The following PDE10A variants were observed in gnomAD, a reference collection of about 807,000 sequenced individuals.
The protein encoded by PDE10A is cAMP and cAMP-inhibited cGMP 3',5'-cyclic phosphodiesterase 10A.
In PDE10A, 39 loss-of-function variants were observed where a neutral mutation model predicts 97.7. The observed-to-expected ratio is 0.40, with a 90% CI of 0.31 to 0.52. The LOEUF (loss-of-function observed/expected upper bound fraction) is 0.52. Ranked by LOEUF, PDE10A falls within the 20% of genes least tolerant of loss-of-function variation. The pLI is 0.56. For synonymous variants in PDE10A, 371 were observed against 376.8 expected (o/e 0.98, Z 0.18); for missense variants, 731 against 1,047.8 (o/e 0.70, Z 4.17).
At chr6:165,834,467 G>A (rs559926253) in intron 1 of PDE10A, among the ~76,000 whole-genome samples, 1 of 152,196 alleles carries the variant, frequency 6.6e-6, no homozygotes, top group African/African-American at 2.4e-5. Context: ...GCCTGGGAGT[G>A]GGGGGAGTGA....
chr6:165,401,289 G>A (rs1385050391), intron 13 of PDE10A, among the ~76,000 whole-genome samples: 1 of 152,066 alleles, frequency 6.6e-6, no homozygotes, highest in Non-Finnish European at 1.5e-5. Context: ...TGAAAATACT[G>A]GCAAAGATCT....
Position 165,432,426 on chromosome 6 carries a change from C to A in PDE10A, c.1491+548G>T, listed in dbSNP as rs75024226. ...GCCTGAGGATCCAGCGTGGCTGGAG[C>A]GAGTGAGGGACAGGTGGGGTCGCAG... is the stretch of plus-strand genomic sequence containing the variant. On this transcript the variant is annotated intron_variant, in intron 7 of 21. Transcript: ENST00000539869. Among the ~76,000 whole-genome samples the A allele has an allele frequency of 1.4e-3, 207 of 152,062 alleles. 2 individuals are homozygous for A. The East Asian group carries it at 0.031, about 23-fold the overall frequency.
chr6:165,900,293 G>T (rs1202588882), intron 1 of PDE10A, among the ~76,000 whole-genome samples: 1 of 152,128 alleles, frequency 6.6e-6, no homozygotes, highest in African/African-American at 2.4e-5. Context: ...CCAACATGGA[G>T]AAACCCTATC....
At chr6:165,506,644 C>T (rs1295131047) in intron 2 of PDE10A, among the ~76,000 whole-genome samples, 1 of 152,096 alleles carries the variant, frequency 6.6e-6, no homozygotes, top group East Asian at 1.9e-4. Context: ...CTAAAACTTC[C>T]GGCACTCATA....
intron 18 of PDE10A, among the ~76,000 whole-genome samples, chr6:165,351,729 G>A (rs1237896825): frequency 6.6e-6 from 1 of 152,200 alleles, no homozygotes; most frequent in Non-Finnish European, 1.5e-5. Flanking sequence ...GAGAGTAAAA[G>A]CCAGCACTGC....
At chr6:165,751,962 A>C (rs2128456193) in intron 1 of PDE10A, among the ~76,000 whole-genome samples, 1 of 151,500 alleles carries the variant, frequency 6.6e-6, no homozygotes, top group East Asian at 2.0e-4. Flanking sequence ...ACATGGTGAA[A>C]CCCCATGTCT....
chr6:165,699,893 T>C (rs2128443424), intron 1 of PDE10A, among the ~76,000 whole-genome samples: 1 of 151,610 alleles, frequency 6.6e-6, no homozygotes, highest in South Asian at 2.1e-4. Context: ...AGATCTCAAA[T>C]CAATAACCTA....
At chr6:165,512,107 C>T (rs1370116345) in intron 2 of PDE10A, among the ~76,000 whole-genome samples, 1 of 151,686 alleles carries the variant, frequency 6.6e-6, no homozygotes, top group Non-Finnish European at 1.5e-5. Flanking sequence ...TTTCTTTTCT[C>T]TTATTGTTTG....
At position 165,334,358 on chromosome 6, in the gene PDE10A, C is replaced by T. The variant is rs569958625; in HGVS notation, c.3066-1231G>A. 7.9e-3 allele frequency among the ~76,000 whole-genome samples: 1,184 copies of T among 150,158 alleles called. 8 individuals are homozygous for T. The highest frequency in any genetic ancestry group is 0.019 in the African/African-American group (768 of 40,526). On this transcript the variant is annotated intron_variant, in intron 21 of 21. Transcript: ENST00000539869. ...CCATAGCGCCCTACAGCGCCGGGCA[C>T]GCGCCTCCATAGCGCCCTACAGCGC...
intron 1 of PDE10A, among the ~76,000 whole-genome samples, chr6:165,970,547 TA>T (rs778733347): frequency 2.6e-5 from 4 of 152,088 alleles, no homozygotes; most frequent in Non-Finnish European, 4.4e-5. Flanking sequence ...TTATCATATA[TA>T]AAAAAACTGT....
At chr6:165,363,135 A>G (rs548464131) in intron 18 of PDE10A, among the ~76,000 whole-genome samples, 4 of 152,348 alleles carry the variant, frequency 2.6e-5, no homozygotes, top group East Asian at 1.9e-4. Context: ...GAAAGACTAG[A>G]TGCTTTCCCC....
intron 1 of PDE10A, among the ~76,000 whole-genome samples, chr6:165,717,373 T>G (rs1412338173): frequency 6.6e-6 from 1 of 152,190 alleles, no homozygotes; most frequent in African/African-American, 2.4e-5. Context: ...GTGGATCACC[T>G]GAAGTCAGGA....
At chr6:165,432,426 C>T (rs75024226) in intron 7 of PDE10A, among the ~76,000 whole-genome samples, 1 of 151,942 alleles carries the variant, frequency 6.6e-6, no homozygotes, top group Non-Finnish European at 1.5e-5. Flanking sequence ...GTGGCTGGAG[C>T]GAGTGAGGGA....
At chr6:165,334,360 C>T (rs534768490) in intron 21 of PDE10A, among the ~76,000 whole-genome samples, 40 of 149,952 alleles carry the variant, frequency 2.7e-4, no homozygotes, top group South Asian at 6.3e-4. Flanking sequence ...GCCGGGCACG[C>T]GCCTCCATAG....
At chr6:165,883,354 C>T (rs954218988) in intron 1 of PDE10A, among the ~76,000 whole-genome samples, 2 of 151,994 alleles carry the variant, frequency 1.3e-5, no homozygotes, top group Non-Finnish European at 2.9e-5. Flanking sequence ...ACCAGCCTGG[C>T]CAACGTGGCA....
intron 2 of PDE10A, among the ~76,000 whole-genome samples, chr6:165,500,840 A>G (rs1222550932): frequency 6.6e-6 from 1 of 152,174 alleles, no homozygotes; most frequent in African/African-American, 2.4e-5. Context: ...AGATAGGAGA[A>G]AACCGCCTTA....
intron 1 of PDE10A, among the ~76,000 whole-genome samples, chr6:165,627,506 G>A (rs1167344134): frequency 1.2e-4 from 19 of 152,160 alleles, no homozygotes; most frequent in Admixed American, 1.2e-3. Flanking sequence ...CACAGAAGAT[G>A]TAATTCCACA....
intron 1 of PDE10A, among the ~76,000 whole-genome samples, chr6:165,713,642 C>T (rs1246256747): frequency 1.3e-5 from 2 of 152,130 alleles, no homozygotes; most frequent in Non-Finnish European, 2.9e-5. Flanking sequence ...CCAGACCTAC[C>T]GCAAACACCG....
At chr6:165,725,870 T>A (rs1792281642) in intron 1 of PDE10A, among the ~76,000 whole-genome samples, 1 of 152,080 alleles carries the variant, frequency 6.6e-6, no homozygotes, top group Admixed American at 6.6e-5. Flanking sequence ...CAGCAAACTT[T>A]CAATGTGGCA....
Sources: gnomAD v4.1 joint callset for allele counts (sites outside exome capture counted in the v4.1 genomes callset) on GRCh38, gnomAD v4.1.1 for gene constraint, MANE v1.5 for transcripts, NCBI Gene and HGNC (gene_info 2026-07-23, HGNC 2026-07-21) for gene names.